The following CSMD1 variants were observed in gnomAD, a reference collection of about 807,000 sequenced individuals.
CSMD1 encodes the protein CUB and sushi domain-containing protein 1.
Under a neutral mutation model 417.5 loss-of-function variants are expected in CSMD1, and 213 were observed. That is an observed-to-expected ratio of 0.51 (90% CI 0.46 to 0.57). CSMD1 has a LOEUF of 0.57. CSMD1 is among the 20% of genes least tolerant of loss of function. The probability of loss-of-function intolerance (pLI) is 0.00; values close to 1 mark genes in which losing one functional copy is unlikely to be tolerated. For synonymous variants in CSMD1, 2,862 were observed against 1,736.8 expected, an observed-to-expected ratio of 1.65 and a Z score of -16.11; for missense variants, 6,923 against 4,529.7, an observed-to-expected ratio of 1.53 and a Z score of -15.17.
At chr8:3,968,548 CAGA>C (rs1265658149) in intron 5 of CSMD1, among the ~76,000 whole-genome samples, 1 of 151,888 alleles carries the variant, frequency 6.6e-6, no homozygotes, top group East Asian at 1.9e-4. Flanking sequence ...TTCAGATTTT[CAGA>C]AGGTTTGAAC....
At chr8:3,089,516 A>G (rs941960932) in intron 48 of CSMD1, among the ~76,000 whole-genome samples, 5 of 152,208 alleles carry the variant, frequency 3.3e-5, no homozygotes, top group Admixed American at 6.5e-5. Context: ...GTTTACGTGC[A>G]TAGGGCAAAT....
intron 4 of CSMD1, among the ~76,000 whole-genome samples, chr8:4,020,124 T>C (rs774796647): frequency 6.6e-6 from 1 of 152,162 alleles, no homozygotes; most frequent in Non-Finnish European, 1.5e-5. Flanking sequence ...TCAGGCTCTT[T>C]GCTAACCATT....
chr8:4,366,405 CTTT>C (rs952982497), intron 3 of CSMD1, among the ~76,000 whole-genome samples: 25 of 152,102 alleles, frequency 1.6e-4, no homozygotes, highest in African/African-American at 4.6e-4. Flanking sequence ...ATGCACGTGT[CTTT>C]TTGACAGAAT....
chr8:3,561,814 A>G (rs1308068616), intron 10 of CSMD1, among the ~76,000 whole-genome samples: 1 of 152,224 alleles, frequency 6.6e-6, no homozygotes, highest in Admixed American at 6.5e-5. Flanking sequence ...AAAAAGTAGT[A>G]TCTATAAAGT....
intron 54 of CSMD1, among the ~76,000 whole-genome samples, chr8:2,996,048 G>T (rs1204953600): frequency 6.6e-6 from 1 of 152,034 alleles, no homozygotes; most frequent in Non-Finnish European, 1.5e-5. Context: ...GGTGAGAGTG[G>T]GTAGGGGACA....
At chr8:3,204,577 A>G (rs879286023) in intron 31 of CSMD1, among the ~76,000 whole-genome samples, 1 of 152,154 alleles carries the variant, frequency 6.6e-6, no homozygotes. Flanking sequence ...TACATTCGTA[A>G]GAGGCCCGGG....
chr8:4,581,911 T>G (rs557016248), intron 2 of CSMD1, among the ~76,000 whole-genome samples: 1 of 152,246 alleles, frequency 6.6e-6, no homozygotes, highest in East Asian at 1.9e-4. Flanking sequence ...CACCATCAAC[T>G]TGAGTCTCAC....
rs531159647 is a variant in CSMD1 at position 3,542,060 on chromosome 8, T to C, written c.1344+32885A>G. Among the ~76,000 whole-genome samples, 158 of 152,278 alleles carry C rather than the reference T, an allele frequency of 1.0e-3. 1 individual carries two copies. The highest frequency in any genetic ancestry group is 3.7e-3 in the African/African-American group (155 of 41,552). On this transcript the variant is annotated intron_variant, in intron 10 of 69. Coordinates refer to ENST00000635120, the MANE Select transcript of CSMD1 (RefSeq NM_033225.6). ...TGTTAATTATCTACTTCCACCTATG[T>C]GCACCCGTATTATTTATTTTACTGT... is the stretch of plus-strand genomic sequence containing the variant.
chr8:3,877,817 T>C (rs997152413), intron 5 of CSMD1, among the ~76,000 whole-genome samples: 2 of 152,226 alleles, frequency 1.3e-5, no homozygotes, highest in African/African-American at 2.4e-5. Context: ...ATGGAGATTG[T>C]ATATTTATAG....
intron 1 of CSMD1, among the ~76,000 whole-genome samples, chr8:4,932,623 T>G (rs528261231): frequency 2.0e-5 from 3 of 152,190 alleles, no homozygotes; most frequent in Admixed American, 6.5e-5. Context: ...GGGTAGCAAG[T>G]TGACGTGTTT....
At chr8:4,493,759 T>C (rs1801841536) in intron 2 of CSMD1, among the ~76,000 whole-genome samples, 1 of 152,140 alleles carries the variant, frequency 6.6e-6, no homozygotes, top group Non-Finnish European at 1.5e-5. Context: ...ATAATTTAAA[T>C]AGAATCAACT....
At chr8:4,005,721 G>C (rs551766085) in intron 4 of CSMD1, among the ~76,000 whole-genome samples, 2 of 152,226 alleles carry the variant, frequency 1.3e-5, no homozygotes, top group African/African-American at 4.8e-5. Flanking sequence ...CATTTGATTT[G>C]TTTCAGCTAA....
chr8:3,656,569 G>A (rs1343384136), intron 7 of CSMD1, among the ~76,000 whole-genome samples: 5 of 152,138 alleles, frequency 3.3e-5, no homozygotes, highest in Non-Finnish European at 5.9e-5. Context: ...TGAGATGGGA[G>A]AGGAGTTTTC....
intron 2 of CSMD1, among the ~76,000 whole-genome samples, chr8:4,463,058 G>A (rs960054424): frequency 1.3e-5 from 2 of 152,086 alleles, no homozygotes; most frequent in East Asian, 1.9e-4. Flanking sequence ...TAAATAACTT[G>A]CATCTGGAAT....
intron 1 of CSMD1, chr8:4,787,204 C>G: frequency 2.2e-6 from 1 of 459,474 alleles, no homozygotes; most frequent in Non-Finnish European, 4.1e-6. Context: ...GGTCGCGGGG[C>G]CCCGCCAGGG....
chr8:3,994,534 T>C (rs537497303), intron 5 of CSMD1, among the ~76,000 whole-genome samples: 22 of 150,534 alleles, frequency 1.5e-4, no homozygotes, highest in Admixed American at 3.3e-4. Context: ...GACTAGACCA[T>C]GCTATAAAGT....
At chr8:4,261,798 T>C (rs1247037792) in intron 3 of CSMD1, among the ~76,000 whole-genome samples, 1 of 152,154 alleles carries the variant, frequency 6.6e-6, no homozygotes, top group Non-Finnish European at 1.5e-5. Flanking sequence ...ATAATGGTAA[T>C]CATTTCTCAA....
intron 6 of CSMD1, among the ~76,000 whole-genome samples, chr8:3,726,928 CT>C (rs1488362359): frequency 6.6e-6 from 1 of 152,182 alleles, no homozygotes; most frequent in African/African-American, 2.4e-5. Context: ...CACAGATAAC[CT>C]AACAATTAAT....
At chr8:4,156,547 A>G (rs1350479226) in intron 3 of CSMD1, among the ~76,000 whole-genome samples, 4 of 152,058 alleles carry the variant, frequency 2.6e-5, no homozygotes, top group Non-Finnish European at 5.9e-5. Context: ...ACTAAATTCA[A>G]ATTCTAAAAG....
Sources: allele counts gnomAD v4.1 joint callset (sites outside exome capture counted in the v4.1 genomes callset), GRCh38; gene constraint gnomAD v4.1.1; transcripts MANE v1.5; gene names NCBI Gene and HGNC (gene_info 2026-07-23, HGNC 2026-07-21).